The following UBR1 variants were observed in gnomAD, a reference collection of about 807,000 sequenced individuals.
UBR1 encodes the protein ubiquitin protein ligase E3 component n-recognin 1.
A neutral mutation model predicts 242.1 loss-of-function variants in UBR1; 102 were observed. The ratio of observed to expected loss-of-function variants is 0.42; its 90% CI spans 0.36 to 0.50. The LOEUF is 0.50. UBR1 is among the 20% of genes least tolerant of loss of function. UBR1 has a pLI of 0.01. For missense variants in UBR1, 1,772 were observed against 2,101.8 expected, an observed-to-expected ratio of 0.84 and a Z score of 3.07; for synonymous variants, 675 against 684.8, an observed-to-expected ratio of 0.99 and a Z score of 0.22.
intron 27 of UBR1, among the ~76,000 whole-genome samples, chr15:43,018,244 G>A (rs28620443): frequency 0.049 from 7,495 of 151,956 alleles, 213 homozygotes; most frequent in African/African-American, 0.084. Flanking sequence ...CTCATGATCC[G>A]CCCACCTCAG....
In UBR1 at chr15:43,002,684, A is replaced by T. The variant is rs149935389; in HGVS notation, c.3530T>A (p.Leu1177Gln). 6.2e-6 allele frequency: 10 copies of T among 1,614,072 alleles called. No individual in the cohort carries two copies. In the African/African-American group the frequency reaches 1.3e-4, roughly 22 times the overall value. ...AACATGAATGCGCTGCTGAGAGCTC[A>T]GCTGTACAGCTTCAAAATACCTGCA... ...CWQKYFEAVQ[L>Q]SSQQRIHVDL... Residue 1177 changes from leucine (L) to glutamine (Q), a missense_variant, in exon 32 of 47, where the codon CTG becomes CAG. Leu to Gln is a moderately radical substitution (Grantham distance 113). Coordinates refer to ENST00000290650, the MANE Select transcript of UBR1 (RefSeq NM_174916.3).
At chr15:42,948,548 TA>T (rs1388680392) in intron 46 of UBR1, among the ~76,000 whole-genome samples, 1 of 151,934 alleles carries the variant, frequency 6.6e-6, no homozygotes, top group Non-Finnish European at 1.5e-5. Context: ...AAAGAGCTAA[TA>T]TCCAGAATCC....
In UBR1 at chr15:42,960,631, G is replaced by A. The variant is rs1428186809; in HGVS notation, c.4757+14C>T. The A allele has an allele frequency of 1.9e-6, 3 of 1,613,470 alleles. No individual in the cohort carries two copies. The highest frequency in any genetic ancestry group is 1.3e-5 in the African/African-American group (1 of 74,902). ...TTGTGGATGAGGGAGAAAGGATTAA[G>A]TAGTAAAACCAACCTGACCACGGTG... On this transcript the variant is annotated intron_variant, in intron 43 of 46. Coordinates refer to ENST00000290650, the MANE Select transcript of UBR1 (RefSeq NM_174916.3).
At position 43,006,984 on chromosome 15, in the gene UBR1, AC is replaced by A. The variant is rs1247108666; in HGVS notation, c.3415+94del. ...ATGATAATGGTATGGTAGATATATA[AC>A]CCTTATTTCCAAATGTTTTTCAAAT... On this transcript the variant is annotated intron_variant, in intron 30 of 46. Transcript: ENST00000290650. The A allele has an allele frequency of 1.0e-5, 12 of 1,171,962 alleles. No individual in the cohort carries two copies. In the Admixed American group the frequency reaches 1.2e-4, roughly 12 times the overall value. The allele number at this position is 1,171,962 out of a possible 1,614,324, so 72.6% of individuals were successfully genotyped here.
intron 40 of UBR1, 118 bp from the exon 41 acceptor site, chr15:42,966,404 A>G: frequency 7.1e-7 from 1 of 1,415,494 alleles, no homozygotes; most frequent in Non-Finnish European, 9.7e-7. Context: ...TTATCCATGC[A>G]ATTTTTAAAC....
At chr15:43,070,481 A>T (rs778818610) in intron 5 of UBR1, among the ~76,000 whole-genome samples, 1 of 152,146 alleles carries the variant, frequency 6.6e-6, no homozygotes, top group Non-Finnish European at 1.5e-5. Context: ...CAAAGTGGGC[A>T]GTTTACTTAC....
At chr15:43,062,360 C>A (rs1370129355) in intron 6 of UBR1, among the ~76,000 whole-genome samples, 4 of 151,902 alleles carry the variant, frequency 2.6e-5, no homozygotes, top group Non-Finnish European at 5.9e-5. Flanking sequence ...CAGACAAATA[C>A]TGCATGATCT....
intron 40 of UBR1, among the ~76,000 whole-genome samples, chr15:42,969,810 A>G (rs922115192): frequency 2.0e-5 from 3 of 152,316 alleles, no homozygotes; most frequent in Middle Eastern, 3.4e-3. Context: ...TTCTTCAAGG[A>G]GAACTACAAA....
intron 3 of UBR1, among the ~76,000 whole-genome samples, chr15:43,080,291 T>C (rs570660878): frequency 6.6e-6 from 1 of 152,304 alleles, no homozygotes; most frequent in East Asian, 1.9e-4. Context: ...TATAAAAACA[T>C]TCTCAGCTGT....
At chr15:42,951,176 ATTTCTCTGCAGGCAAC>A (rs1460249059) in intron 45 of UBR1, among the ~76,000 whole-genome samples, 1 of 152,138 alleles carries the variant, frequency 6.6e-6, no homozygotes, top group East Asian at 1.9e-4. Flanking sequence ...TTTGAATTTT[ATTTCTCTGCAGGCAAC>A]TTAAACTCTT....
intron 15 of UBR1, among the ~76,000 whole-genome samples, chr15:43,040,232 G>A (rs1367292053): frequency 6.6e-6 from 1 of 152,114 alleles, no homozygotes; most frequent in Non-Finnish European, 1.5e-5. Flanking sequence ...AAACAGCATG[G>A]TACTGGTACC....
Position 43,097,109 on chromosome 15 carries a change from T to C in UBR1, c.81+8833A>G, listed in dbSNP as rs7183964. ...AGAGTTGCAATTACTCCTTGATCCATGGGCTACAGAATGGATATTGTGTTA... is the reference window on the plus strand; with the variant it reads ...AGAGTTGCAATTACTCCTTGATCCACGGGCTACAGAATGGATATTGTGTTA... On this transcript the variant is annotated intron_variant, in intron 1 of 46. Transcript: ENST00000290650. Among the ~76,000 whole-genome samples, 136 of 152,326 alleles carry C rather than the reference T, an allele frequency of 8.9e-4. 1 individual carries two copies. The highest frequency in any genetic ancestry group is 3.2e-3 in the African/African-American group (132 of 41,584).
In UBR1 at chr15:43,060,308, T is replaced by C. The variant is rs535506120; in HGVS notation, c.799-194A>G. On this transcript the variant is annotated intron_variant, in intron 6 of 46. Transcript: ENST00000290650. ...CCTTTATGAAGTATGAAAACTTTAA[T>C]ACCTCTAGGACAGACAGTCTATAGT... is the stretch of plus-strand genomic sequence containing the variant. Among the ~76,000 whole-genome samples the C allele has an allele frequency of 5.3e-5, 8 of 152,360 alleles. No individual in the cohort carries two copies. The East Asian group carries it at 1.2e-3, about 22-fold the overall frequency.
chr15:43,035,682 T>C (rs1227407795), intron 19 of UBR1, among the ~76,000 whole-genome samples: 1 of 149,554 alleles, frequency 6.7e-6, no homozygotes, highest in African/African-American at 2.5e-5. Flanking sequence ...TTTTGGTGTT[T>C]TGGACATGAA....
intron 26 of UBR1, 84 bp from the exon 27 acceptor site, chr15:43,021,459 T>G: frequency 2.3e-6 from 3 of 1,278,418 alleles, no homozygotes; most frequent in Non-Finnish European, 3.4e-6. Flanking sequence ...AGGACCCCTG[T>G]GGACATCAAA....
In UBR1 at chr15:43,024,962, G is replaced by A; in HGVS notation, c.2606C>T (p.Pro869Leu). 1.2e-6 allele frequency: 2 copies of A among 1,614,204 alleles called. No homozygotes were observed. Among genetic ancestry groups the A allele is most frequent in the Non-Finnish European group, 1.7e-6 (2 of 1,180,032 alleles). The change falls in exon 25 of 47, where the codon CCT becomes CTT. Residue 869 changes from proline (P) to leucine (L), a missense_variant. Pro to Leu is a moderately conservative substitution (Grantham distance 98). Transcript: ENST00000290650. ...TTTGCTGAAAGCAGGGCAGAATTCA[G>A]GAGGTGGTGGTGGCGGCAATGCTAT... ...KDEALPPPPPPEFCPAFSKVI... is the reference protein window; with the variant it reads ...KDEALPPPPPLEFCPAFSKVI...
chr15:43,099,712 C>G (rs751388262), intron 1 of UBR1, among the ~76,000 whole-genome samples: 3 of 152,136 alleles, frequency 2.0e-5, no homozygotes, highest in African/African-American at 7.2e-5. Context: ...GTGCTAGAAA[C>G]TAGATACAGC....
At chr15:42,983,700 A>ATAATAATAT (rs1160481365) in intron 37 of UBR1, among the ~76,000 whole-genome samples, 197 bp downstream of exon 37, 1 of 148,266 alleles carries the variant, frequency 6.7e-6, no homozygotes, top group Non-Finnish European at 1.5e-5. Flanking sequence ...AATAATAATA[A>ATAATAATAT]TATCACAAGT....
At chr15:43,074,500 C>G (rs1407032437) in intron 4 of UBR1, among the ~76,000 whole-genome samples, 2 of 152,182 alleles carry the variant, frequency 1.3e-5, no homozygotes, top group African/African-American at 4.8e-5. Context: ...ATGATCTTGG[C>G]TCACTGCAAC....
Sources: gnomAD v4.1 joint callset for allele counts (sites outside exome capture counted in the v4.1 genomes callset) on GRCh38, gnomAD v4.1.1 for gene constraint, MANE v1.5 for transcripts, NCBI Gene and HGNC (gene_info 2026-07-23, HGNC 2026-07-21) for gene names.